Variants in RAI1 observed in about 807,000 individuals in gnomAD.
RAI1 encodes retinoic acid induced 1.
A neutral mutation model predicts 123.8 loss-of-function variants in RAI1; 9 were observed. The observed-to-expected ratio is 0.07, with a 90% CI of 0.04 to 0.13. The LOEUF (loss-of-function observed/expected upper bound fraction) is 0.13. Among genes scored for constraint, RAI1 ranks in the 10% least tolerant of loss-of-function variants. The pLI, the probability that RAI1 is intolerant of heterozygous loss-of-function variation, is 1.00. For missense variants in RAI1, 2,256 were observed against 2,545.8 expected, an observed-to-expected ratio of 0.89 and a Z score of 2.45; for synonymous variants, 1,231 against 1,127.3, an observed-to-expected ratio of 1.09 and a Z score of -1.84.
chr17:17,718,184 G>A (rs753463546), intron 1 of RAI1, among the ~76,000 whole-genome samples: 19 of 152,030 alleles, frequency 1.2e-4, no homozygotes, highest in Admixed American at 9.2e-4. Context: ...GCCTTCTGCC[G>A]TCACTCCAGC....
chr17:17,788,093 A>G (rs908884245), intron 2 of RAI1, among the ~76,000 whole-genome samples: 3 of 152,082 alleles, frequency 2.0e-5, no homozygotes, highest in African/African-American at 7.2e-5. Context: ...GACCCTATAG[A>G]GAGGGTATGT....
chr17:17,780,773 G>A (rs902396480), intron 2 of RAI1, among the ~76,000 whole-genome samples: 2 of 152,304 alleles, frequency 1.3e-5, no homozygotes, highest in East Asian at 1.9e-4. Context: ...CAGATATGAG[G>A]GAAGTCCATG....
chr17:17,731,538 C>T (rs2142949247), intron 2 of RAI1, among the ~76,000 whole-genome samples: 1 of 152,254 alleles, frequency 6.6e-6, no homozygotes, highest in East Asian at 1.9e-4. Context: ...AAGATGGGTG[C>T]TCTGGGCAGT....
intron 1 of RAI1, among the ~76,000 whole-genome samples, chr17:17,687,163 T>A (rs1329120707): frequency 4.6e-5 from 7 of 152,012 alleles, no homozygotes; most frequent in Admixed American, 1.3e-4. Context: ...AGCAACCTCT[T>A]TCTGCACAAA....
intron 3 of RAI1, 143 bp from the exon 4 acceptor site, chr17:17,803,613 T>G: frequency 1.3e-6 from 1 of 763,068 alleles, no homozygotes; most frequent in Non-Finnish European, 2.3e-6. Context: ...ATCAAACTCC[T>G]GGACTCAGGC....
At chr17:17,791,261 C>T (rs527691884) in intron 2 of RAI1, among the ~76,000 whole-genome samples, 7 of 152,342 alleles carry the variant, frequency 4.6e-5, no homozygotes, top group South Asian at 2.1e-4. Flanking sequence ...CTGCCCTGGG[C>T]TTGCCCTGCT....
At chr17:17,744,575 G>A (rs530523515) in intron 2 of RAI1, among the ~76,000 whole-genome samples, 8 of 152,058 alleles carry the variant, frequency 5.3e-5, no homozygotes, top group Non-Finnish European at 1.2e-4. Flanking sequence ...GACAGATCAC[G>A]AGGTCAGGAG....
rs1008401988 is a variant in RAI1, at chr17:17,800,828, TGGG to T, written c.5565+2318_5565+2320del. Among the ~76,000 whole-genome samples the T allele has an allele frequency of 6.6e-6, 1 of 152,164 alleles. No homozygotes were observed. The highest frequency in any genetic ancestry group is 1.5e-5 in the Non-Finnish European group (1 of 68,020). On this transcript the variant is annotated intron_variant, in intron 3 of 5. Transcript: ENST00000353383. This position sits in a 1 kb window ranked among gnomAD's most constrained non-coding sequence, Gnocchi z 4.7. ...ACCACCCCTTCCTGCCTCAGTGGCT[TGGG>T]GGCGCCATGCTCCTTGGAGTGAGAC...
At chr17:17,706,877 A>G (rs1276595776) in intron 1 of RAI1, among the ~76,000 whole-genome samples, 1 of 152,254 alleles carries the variant, frequency 6.6e-6, no homozygotes, top group East Asian at 1.9e-4. Context: ...CTTGTGTAAC[A>G]GGAATGTTTT....
Position 17,799,036 on chromosome 17 carries a change from G to T in RAI1, c.5565+523G>T, listed in dbSNP as rs1446914717. Among the ~76,000 whole-genome samples the T allele has an allele frequency of 6.6e-6, 1 of 152,206 alleles. No individual in the cohort carries two copies. Among genetic ancestry groups the T allele is most frequent in the Non-Finnish European group, 1.5e-5 (1 of 68,034 alleles). ...ACCCAGTCACAGGGTTCCTCCCTCTGCAGGACAGTCCATGGGGTCACACAG... is the reference window on the plus strand; with the variant it reads ...ACCCAGTCACAGGGTTCCTCCCTCTTCAGGACAGTCCATGGGGTCACACAG... On this transcript the variant is annotated intron_variant, in intron 3 of 5. Transcript: ENST00000353383. This position sits in a 1 kb window ranked among gnomAD's most constrained non-coding sequence, Gnocchi z 4.5.
At chr17:17,781,437 G>C (rs1397707790) in intron 2 of RAI1, among the ~76,000 whole-genome samples, 1 of 152,270 alleles carries the variant, frequency 6.6e-6, no homozygotes, top group Non-Finnish European at 1.5e-5. Flanking sequence ...CCTCTTGGGG[G>C]AAGGACAGGC....
intron 2 of RAI1, among the ~76,000 whole-genome samples, chr17:17,747,864 G>C (rs1431281014): frequency 6.6e-6 from 1 of 152,212 alleles, no homozygotes; most frequent in East Asian, 1.9e-4. Flanking sequence ...AGGAGTTTGA[G>C]ACCATCCTGG....
At chr17:17,768,033 G>A (rs376127439) in intron 2 of RAI1, among the ~76,000 whole-genome samples, 1 of 152,196 alleles carries the variant, frequency 6.6e-6, no homozygotes, top group Non-Finnish European at 1.5e-5. Context: ...TAATGTAAGT[G>A]GAACTCTTAG....
chr17:17,687,971 A>G (rs58788694), intron 1 of RAI1, among the ~76,000 whole-genome samples: 9,775 of 144,308 alleles, frequency 0.068, 456 homozygotes, highest in African/African-American at 0.12. Flanking sequence ...TGGAGGTTGC[A>G]GCGAGCCAAG....
intron 2 of RAI1, among the ~76,000 whole-genome samples, chr17:17,746,629 CTTTTCTTTTT>C (rs2029933140): frequency 7.9e-6 from 1 of 127,086 alleles, no homozygotes; most frequent in Non-Finnish European, 1.8e-5. Context: ...TTTTTCTTTT[CTTTTCTTTTT>C]TTTTTTTTTT....
rs1015577402 is a variant in RAI1 at position 17,809,350 on chromosome 17, C to G, written c.5660-40C>G. On this transcript the variant is annotated intron_variant, in intron 4 of 5. Coordinates refer to ENST00000353383, the MANE Select transcript of RAI1 (RefSeq NM_030665.4). This position sits in a 1 kb window ranked among gnomAD's most constrained non-coding sequence, Gnocchi z 4.9. ...ACAAAACCCCACAGCTGTGGGGCCC[C>G]CACCCTGTCCTAACCACCGAAACTT... is the stretch of plus-strand genomic sequence containing the variant. 2 of 1,569,904 alleles carry G rather than the reference C, an allele frequency of 1.3e-6. No homozygotes were observed. The highest frequency in any genetic ancestry group is 2.2e-5 in the East Asian group (1 of 44,676).
intron 2 of RAI1, among the ~76,000 whole-genome samples, chr17:17,776,263 TC>T (rs1227017510): frequency 6.6e-6 from 1 of 152,256 alleles, no homozygotes; most frequent in Non-Finnish European, 1.5e-5. Flanking sequence ...GGTTATTTTT[TC>T]AGTCACCTTG....
At chr17:17,806,613 G>T (rs2032598635) in intron 4 of RAI1, among the ~76,000 whole-genome samples, 2 of 152,204 alleles carry the variant, frequency 1.3e-5, no homozygotes, top group African/African-American at 4.8e-5. Context: ...TCTCAAAAGG[G>T]CGTGAGTTGG....
Position 17,795,720 on chromosome 17 carries a change from C to G in RAI1, c.2772C>G (p.Ser924=). The part of the protein sequence containing the change: ...WGSPCHLSGE[S]VILLGPTVGT... ...CTCCGTGCCACCTCTCAGGGGAGTC[C>G]GTCATCCTGCTGGGCCCTACAGTGG... The change falls in exon 3 of 6, where the codon TCC becomes TCG. Residue 924 remains serine, a synonymous_variant. Transcript: ENST00000353383. This position sits in a 1 kb window ranked among gnomAD's most constrained non-coding sequence, Gnocchi z 5.9. 6.2e-7 allele frequency: 1 copy of G among 1,613,372 alleles called. No homozygotes were observed. The highest frequency in any genetic ancestry group is 1.1e-5 in the South Asian group (1 of 91,092).
Sources: allele counts gnomAD v4.1 joint callset (sites outside exome capture counted in the v4.1 genomes callset), GRCh38; gene constraint gnomAD v4.1.1; non-coding constraint Gnocchi (gnomAD v3.1); transcripts MANE v1.5; gene names NCBI Gene and HGNC (gene_info 2026-07-23, HGNC 2026-07-21).